Variants in ESRRG observed in about 807,000 individuals in gnomAD.
ESRRG encodes estrogen related receptor gamma, also known as estrogen-related receptor gamma.
ESRRG carries 13 observed loss-of-function variants against 44.0 expected under a neutral mutation model. The ratio of observed to expected loss-of-function variants is 0.30; its 90% CI spans 0.19 to 0.47. The LOEUF is 0.47. Among genes scored for constraint, ESRRG ranks in the 20% least tolerant of loss-of-function variants. The pLI is 1.00. For missense variants in ESRRG, 395 were observed against 580.6 expected (o/e 0.68, Z 3.29); for synonymous variants, 215 against 214.6 (o/e 1.00, Z -0.02).
rs535634830 is a variant in ESRRG, at chr1:216,966,853, C to CT, written c.-105-27181dup. On this transcript the variant is annotated intron_variant, in intron 1 of 7. Coordinates refer to the ESRRG transcript ENST00000359162. ...CCATGCATCCTACAGAGGGTGGCTG[C>CT]TTTTTTAAGAAACAAAAACTTATAC... is the stretch of plus-strand genomic sequence containing the variant. Among the ~76,000 whole-genome samples, 637 of 152,194 alleles carry CT rather than the reference C, an allele frequency of 4.2e-3. 2 individuals carry two copies. Among genetic ancestry groups the CT allele is most frequent in the African/African-American group, 0.015 (605 of 41,520 alleles).
At chr1:216,607,609 C>T (rs966430857) in intron 3 of ESRRG, among the ~76,000 whole-genome samples, 10 of 152,292 alleles carry the variant, frequency 6.6e-5, no homozygotes, top group Admixed American at 1.3e-4. Context: ...AGAGCACCCA[C>T]GCCAGTAACC....
chr1:217,105,163 C>G (rs1377858432), intron 1 of ESRRG, among the ~76,000 whole-genome samples: 4 of 152,186 alleles, frequency 2.6e-5, no homozygotes. Flanking sequence ...ATGTCATGAT[C>G]ACCCTTCCTT....
intron 2 of ESRRG, among the ~76,000 whole-genome samples, chr1:216,884,746 G>A (rs2576266): frequency 0.71 from 108,483 of 152,070 alleles, 39,927 homozygotes; most frequent in African/African-American, 0.91. Flanking sequence ...GCTGCTTTCT[G>A]TGTTGGGCTC....
At chr1:216,572,720 ATAC>A (rs965901573) in intron 3 of ESRRG, among the ~76,000 whole-genome samples, 10 of 152,056 alleles carry the variant, frequency 6.6e-5, no homozygotes, top group South Asian at 2.1e-4. Flanking sequence ...CATAATTGGG[ATAC>A]TACATTTCTT....
At chr1:217,127,951 T>A (rs945897631) in intron 1 of ESRRG, among the ~76,000 whole-genome samples, 8 of 152,354 alleles carry the variant, frequency 5.3e-5, no homozygotes, top group Non-Finnish European at 7.3e-5. Context: ...AAGGTGTTAT[T>A]CTGCAGATAA....
intron 1 of ESRRG, among the ~76,000 whole-genome samples, chr1:216,990,811 T>C (rs1326980280): frequency 6.6e-6 from 1 of 152,212 alleles, no homozygotes; most frequent in Non-Finnish European, 1.5e-5. Flanking sequence ...TGGTCAACAG[T>C]AGGCTGTTAG....
At chr1:216,773,942 A>G (rs1378789879) in intron 2 of ESRRG, among the ~76,000 whole-genome samples, 1 of 152,156 alleles carries the variant, frequency 6.6e-6, no homozygotes. Context: ...TAATTTTATT[A>G]TTAAAAATAG....
At chr1:216,559,400 T>C (rs970352750) in intron 5 of ESRRG, among the ~76,000 whole-genome samples, 2 of 152,344 alleles carry the variant, frequency 1.3e-5, no homozygotes, top group Admixed American at 1.3e-4. Flanking sequence ...AGTTATGGGA[T>C]GCAGCAGAGG....
At chr1:217,051,481 C>T (rs1270383547) in intron 1 of ESRRG, among the ~76,000 whole-genome samples, 2 of 152,162 alleles carry the variant, frequency 1.3e-5, no homozygotes, top group Non-Finnish European at 2.9e-5. Context: ...GCTGTTACTG[C>T]AACATCCAAA....
At chr1:216,569,431 G>A (rs991686269) in intron 3 of ESRRG, among the ~76,000 whole-genome samples, 1 of 152,106 alleles carries the variant, frequency 6.6e-6, no homozygotes, top group Non-Finnish European at 1.5e-5. Context: ...AAATAGTGAT[G>A]GGTTGGGTCA....
intron 2 of ESRRG, among the ~76,000 whole-genome samples, chr1:216,826,236 G>A (rs1339512729): frequency 6.6e-6 from 1 of 150,976 alleles, no homozygotes; most frequent in Admixed American, 6.6e-5. Context: ...CATACGGACG[G>A]CATGCAATCA....
chr1:216,763,707 T>G (rs1312012793), intron 2 of ESRRG, among the ~76,000 whole-genome samples: 1 of 152,130 alleles, frequency 6.6e-6, no homozygotes, highest in South Asian at 2.1e-4. Flanking sequence ...TCACTGTGCA[T>G]GGGCAGTCAC....
chr1:217,037,032 A>G (rs1459811016), intron 1 of ESRRG, among the ~76,000 whole-genome samples: 1 of 152,108 alleles, frequency 6.6e-6, no homozygotes, highest in African/African-American at 2.4e-5. Context: ...GTGGACCACA[A>G]GGCTGAGTTT....
rs549123669 is a variant in ESRRG at position 216,894,247 on chromosome 1, C to T, written c.-14+45335G>A. On this transcript the variant is annotated intron_variant, in intron 2 of 7. Coordinates refer to the ESRRG transcript ENST00000359162. The stretch of plus-strand genomic sequence containing the variant: ...GAAACTATGACCTGGTAGTGAATTT[C>T]ATTTCACAGACTCGGGAGCCAAAAT... 3.3e-5 allele frequency among the ~76,000 whole-genome samples: 5 copies of T among 152,202 alleles called. No individual in the cohort carries two copies. In the South Asian group the frequency reaches 1.0e-3, roughly 32 times the overall value.
intron 1 of ESRRG, among the ~76,000 whole-genome samples, chr1:216,712,995 A>T (rs1389562437): frequency 6.6e-6 from 1 of 152,218 alleles, no homozygotes. Flanking sequence ...TCAGCTTGTG[A>T]ACATTCTGTT....
At chr1:216,672,017 A>G (rs1400676967) in intron 2 of ESRRG, among the ~76,000 whole-genome samples, 1 of 148,754 alleles carries the variant, frequency 6.7e-6, no homozygotes, top group Non-Finnish European at 1.5e-5. Flanking sequence ...AAAAAAAAAG[A>G]AAAGAAAAGA....
At chr1:216,597,278 T>C (rs1254484035) in intron 3 of ESRRG, among the ~76,000 whole-genome samples, 2 of 151,986 alleles carry the variant, frequency 1.3e-5, no homozygotes, top group African/African-American at 4.8e-5. Flanking sequence ...CACAGGAAAA[T>C]AATTACAGCC....
In ESRRG at chr1:216,951,717, ATGTGTGTGTGTG is replaced by A. The variant is rs59233267; in HGVS notation, c.-105-12056_-105-12045del. On this transcript the variant is annotated intron_variant, in intron 1 of 7. Coordinates refer to the ESRRG transcript ENST00000359162. ...TAATGGGTATAATGGAACTATCACTATGTGTGTGTGTGTGTGTGTGTGTGTGTGTGTGTGTGT... is the reference window on the plus strand; with the variant it reads ...TAATGGGTATAATGGAACTATCACTATGTGTGTGTGTGTGTGTGTGTGTGT... Among the ~76,000 whole-genome samples the A allele has an allele frequency of 5.4e-4, 78 of 143,704 alleles. No homozygotes were observed. In the East Asian group the frequency reaches 6.2e-3, roughly 11 times the overall value. 94.3% of individuals were successfully genotyped at this position (143,704 alleles called of 152,430 possible).
chr1:216,628,429 A>G (rs939419740), intron 3 of ESRRG, among the ~76,000 whole-genome samples: 10 of 152,200 alleles, frequency 6.6e-5, no homozygotes, highest in African/African-American at 2.4e-4. Context: ...CAAGGATCAA[A>G]TCCTAAAGAC....
Sources: allele counts gnomAD v4.1 joint callset (sites outside exome capture counted in the v4.1 genomes callset), GRCh38; gene constraint gnomAD v4.1.1; transcripts MANE v1.5; gene names NCBI Gene and HGNC (gene_info 2026-07-23, HGNC 2026-07-21).